Variants in SGCG observed in about 807,000 individuals in gnomAD.
SGCG encodes the protein sarcoglycan gamma.
In SGCG, 26 loss-of-function variants were observed where a neutral mutation model predicts 29.3. The ratio of observed to expected loss-of-function variants is 0.89; its 90% confidence interval spans 0.65 to 1.23. The LOEUF is 1.23. Among genes scored for constraint, SGCG ranks in the 50% most tolerant of loss-of-function variants. The pLI is 0.00. For synonymous variants in SGCG, 145 were observed against 129.7 expected, an observed-to-expected ratio of 1.12 and a Z score of -0.80; for missense variants, 353 against 356.0, an observed-to-expected ratio of 0.99 and a Z score of 0.07.
chr13:23,186,655 C>G (rs989486129), intron 1 of SGCG, among the ~76,000 whole-genome samples: 18 of 152,188 alleles, frequency 1.2e-4, no homozygotes, highest in African/African-American at 4.3e-4. Context: ...ATCCCCCATC[C>G]TCACAGGGGA....
intron 2 of SGCG, among the ~76,000 whole-genome samples, chr13:23,220,443 C>T (rs182109464): frequency 7.2e-5 from 11 of 152,112 alleles, no homozygotes; most frequent in African/African-American, 2.7e-4. Context: ...AGCGAAACTC[C>T]ATCCCAAAAT....
At chr13:23,308,736 T>C (rs557534) in intron 6 of SGCG, among the ~76,000 whole-genome samples, 121,842 of 151,944 alleles carry the variant, frequency 0.8, 51,552 homozygotes, top group East Asian at 1. Flanking sequence ...AGCTAATTTT[T>C]GTATTTTTGT....
At position 23,221,148 on chromosome 13, in the gene SGCG, C is replaced by G. The variant is rs150371597; in HGVS notation, c.196-13463C>G. Among the ~76,000 whole-genome samples the G allele has an allele frequency of 1.5e-3, 232 of 152,238 alleles. 2 individuals carry two copies. Among genetic ancestry groups the G allele is most frequent in the African/African-American group, 5.2e-3 (216 of 41,536 alleles). On this transcript the variant is annotated intron_variant, in intron 2 of 7. Transcript: ENST00000218867. ...TTAGGTCTGATGCCTAAAATTGTTA[C>G]TAACATCCTAGCAAGAAATGAAAGT... is the stretch of plus-strand genomic sequence containing the variant.
rs776317668 is a variant in SGCG, at chr13:23,290,735, A to G, written c.506-4680A>G. Among the ~76,000 whole-genome samples the G allele has an allele frequency of 5.9e-5, 9 of 152,344 alleles. No individual in the cohort carries two copies. In the Middle Eastern group the frequency reaches 0.01, roughly 173 times the overall value. ...AATGCTCAATGAAGGTGTAGAATGA[A>G]TCTTAACAAATAGTTATCAGTGTTG... is the stretch of plus-strand genomic sequence containing the variant. On this transcript the variant is annotated intron_variant, in intron 5 of 7. Coordinates refer to ENST00000218867, the MANE Select transcript of SGCG (RefSeq NM_000231.3).
chr13:23,320,744 ATAG>A lies in SGCG; in HGVS notation c.691_693del (p.Ser231del). The A allele has an allele frequency of 6.2e-7, 1 of 1,613,692 alleles. No homozygotes were observed. The highest frequency in any genetic ancestry group is 2.2e-5 in the East Asian group (1 of 44,858). On this transcript the variant is annotated inframe_deletion, in exon 7 of 8. Transcript: ENST00000218867. Reference sequence around the variant, plus strand: ...CTTTCTCAAATGGATATTCTTTTTCATAGTAGTGATGGAATGGTGAGTTCATTC... The same window carrying A: ...CTTTCTCAAATGGATATTCTTTTTCATAGTGATGGAATGGTGAGTTCATTC...
intron 5 of SGCG, among the ~76,000 whole-genome samples, chr13:23,280,917 T>C (rs11617228): frequency 0.2 from 29,964 of 152,142 alleles, 3,190 homozygotes; most frequent in Non-Finnish European, 0.24. Context: ...AACTTTTCCT[T>C]AGCCCAGGGC....
intron 1 of SGCG, among the ~76,000 whole-genome samples, chr13:23,189,379 G>T (rs908993356): frequency 1.3e-5 from 2 of 152,190 alleles, no homozygotes; most frequent in Non-Finnish European, 2.9e-5. Flanking sequence ...GCTTCACTGT[G>T]TTGCCCAGGC....
At chr13:23,270,808 T>C (rs1019202339) in intron 4 of SGCG, among the ~76,000 whole-genome samples, 1 of 152,254 alleles carries the variant, frequency 6.6e-6, no homozygotes, top group Non-Finnish European at 1.5e-5. Context: ...GTAGTGTTTG[T>C]ATGATTTCAC....
At chr13:23,322,784 C>CCCCCCCCCCCCCCACTTCCCCCCCCCCCG (rs1883099731) in intron 7 of SGCG, among the ~76,000 whole-genome samples, 1 of 112,644 alleles carries the variant, frequency 8.9e-6, no homozygotes. Flanking sequence ...CCCCCCCCCC[C>CCCCCCCCCCCCCCACTTCCCCCCCCCCCG]CCCCCGCCAA....
At chr13:23,238,495 G>A (rs1398944394) in intron 3 of SGCG, among the ~76,000 whole-genome samples, 1 of 152,156 alleles carries the variant, frequency 6.6e-6, no homozygotes, top group Non-Finnish European at 1.5e-5. Context: ...ACCAGTCAGA[G>A]TGGAAAACTT....
intron 1 of SGCG, among the ~76,000 whole-genome samples, chr13:23,192,038 G>A (rs1263468778): frequency 6.6e-6 from 1 of 151,884 alleles, no homozygotes; most frequent in Admixed American, 6.5e-5. Flanking sequence ...AGCCGGGCGT[G>A]GTGGCGGGCT....
intron 4 of SGCG, among the ~76,000 whole-genome samples, chr13:23,252,716 A>G (rs1329754979): frequency 6.6e-6 from 1 of 152,030 alleles, no homozygotes; most frequent in East Asian, 1.9e-4. Flanking sequence ...AAACAAACAA[A>G]CAAAAAAGTT....
At chr13:23,222,550 G>A (rs566008248) in intron 2 of SGCG, among the ~76,000 whole-genome samples, 1 of 152,200 alleles carries the variant, frequency 6.6e-6, no homozygotes, top group African/African-American at 2.4e-5. Context: ...TCTTGGCCAG[G>A]CGCAGTGGCT....
intron 3 of SGCG, among the ~76,000 whole-genome samples, chr13:23,241,127 T>A (rs7325988): frequency 7.0e-6 from 1 of 142,636 alleles, no homozygotes; most frequent in African/African-American, 2.6e-5. Context: ...CCAGCCTGGG[T>A]GACGGAGCGA....
At chr13:23,303,130 CT>C (rs1404777421) in intron 6 of SGCG, among the ~76,000 whole-genome samples, 1 of 152,182 alleles carries the variant, frequency 6.6e-6, no homozygotes, top group Non-Finnish European at 1.5e-5. Flanking sequence ...CACATTACCC[CT>C]GGAAGTATTT....
intron 1 of SGCG, among the ~76,000 whole-genome samples, chr13:23,195,140 C>T (rs889363771): frequency 2.0e-5 from 3 of 152,164 alleles, no homozygotes; most frequent in Non-Finnish European, 4.4e-5. Context: ...GGCTAGGTAT[C>T]CATAAATGCT....
At chr13:23,312,003 C>T (rs901074472) in intron 6 of SGCG, among the ~76,000 whole-genome samples, 3 of 152,148 alleles carry the variant, frequency 2.0e-5, no homozygotes, top group Admixed American at 1.3e-4. Context: ...TGAGCCTCAT[C>T]GTTTCCAAGG....
At chr13:23,198,671 C>T (rs1877612099) in intron 1 of SGCG, among the ~76,000 whole-genome samples, 1 of 151,784 alleles carries the variant, frequency 6.6e-6, no homozygotes, top group South Asian at 2.1e-4. Flanking sequence ...ATGGTGAAAC[C>T]CAGTCTCTAT....
chr13:23,256,954 A>T lies in SGCG; in HGVS notation c.385+6237A>T, dbSNP rs150993931. On this transcript the variant is annotated intron_variant, in intron 4 of 7. Coordinates refer to ENST00000218867, the MANE Select transcript of SGCG (RefSeq NM_000231.3). ...TTCTAGATCCCTGAGGAATCGCCACACTCTCTTCCACAATGGTTGAACTAG... is the reference window on the plus strand; with the variant it reads ...TTCTAGATCCCTGAGGAATCGCCACTCTCTCTTCCACAATGGTTGAACTAG... Among the ~76,000 whole-genome samples the T allele has an allele frequency of 5.1e-3, 780 of 152,134 alleles. 5 individuals are homozygous for T. The highest frequency in any genetic ancestry group is 0.018 in the African/African-American group (749 of 41,502).
Sources: gnomAD v4.1 joint callset for allele counts (sites outside exome capture counted in the v4.1 genomes callset) on GRCh38, gnomAD v4.1.1 for gene constraint, MANE v1.5 for transcripts, NCBI Gene and HGNC (gene_info 2026-07-23, HGNC 2026-07-21) for gene names.